The following LRRC4C variants were observed in gnomAD, a reference collection of about 807,000 sequenced individuals.
LRRC4C encodes leucine rich repeat containing 4C.
A neutral mutation model predicts 33.6 loss-of-function variants in LRRC4C; 5 were observed. The ratio of observed to expected loss-of-function variants is 0.15; its 90% CI spans 0.08 to 0.31. The LOEUF (loss-of-function observed/expected upper bound fraction) is 0.31. LRRC4C is among the 10% of genes least tolerant of loss of function. The pLI, the probability that LRRC4C is intolerant of heterozygous loss-of-function variation, is 1.00. For synonymous variants in LRRC4C, 329 were observed against 302.0 expected, an observed-to-expected ratio of 1.09 and a Z score of -0.93; for missense variants, 560 against 796.7, an observed-to-expected ratio of 0.70 and a Z score of 3.58.
In LRRC4C at chr11:40,792,253, T is replaced by TA. The variant is rs982770086; in HGVS notation, c.-407+141381dup. Among the ~76,000 whole-genome samples the TA allele has an allele frequency of 4.7e-3, 694 of 148,716 alleles. 7 individuals carry two copies. Among genetic ancestry groups the TA allele is most frequent in the African/African-American group, 0.015 (628 of 40,708 alleles). On this transcript the variant is annotated intron_variant, in intron 2 of 6. Coordinates refer to ENST00000528697, the MANE Select transcript of LRRC4C (RefSeq NM_001258419.2). ...AATCAATAATGACGCTTCCAAGGAG[T>TA]AAAAAAAAAATGAACAAAATCAATA...
At chr11:40,510,319 G>C (rs11828912) in intron 3 of LRRC4C, among the ~76,000 whole-genome samples, 16,733 of 151,428 alleles carry the variant, frequency 0.11, 1,002 homozygotes, top group Middle Eastern at 0.16. Flanking sequence ...TTAAACAGAA[G>C]TAATGTGTAT....
At chr11:40,540,324 G>A (rs1207596398) in intron 3 of LRRC4C, among the ~76,000 whole-genome samples, 1 of 152,080 alleles carries the variant, frequency 6.6e-6, no homozygotes, top group Admixed American at 6.6e-5. Flanking sequence ...AAATTGATCC[G>A]CTAAAGTTTG....
chr11:41,154,765 TTTAAA>T (rs1565432692), intron 1 of LRRC4C, among the ~76,000 whole-genome samples: 1 of 152,160 alleles, frequency 6.6e-6, no homozygotes, highest in Non-Finnish European at 1.5e-5. Flanking sequence ...CACGACATAC[TTTAAA>T]TTATTCATTG....
intron 1 of LRRC4C, among the ~76,000 whole-genome samples, chr11:41,384,510 C>T (rs1395308006): frequency 1.3e-5 from 2 of 151,426 alleles, no homozygotes; most frequent in African/African-American, 2.4e-5. Context: ...CAGTTAAAAA[C>T]ATGCCAACAA....
intron 2 of LRRC4C, among the ~76,000 whole-genome samples, chr11:40,832,824 A>G (rs1952480301): frequency 6.6e-6 from 1 of 152,184 alleles, no homozygotes. Context: ...GAAGTAAAAC[A>G]ATTTGGCACA....
chr11:40,335,352 T>C (rs2136964860), intron 3 of LRRC4C, among the ~76,000 whole-genome samples: 1 of 152,318 alleles, frequency 6.6e-6, no homozygotes, highest in Middle Eastern at 3.4e-3. Flanking sequence ...CTTCAGTCTA[T>C]AAATCCTACA....
At chr11:41,396,732 C>CA in intron 1 of LRRC4C, among the ~76,000 whole-genome samples, 1 of 152,066 alleles carries the variant, frequency 6.6e-6, no homozygotes, top group Non-Finnish European at 1.5e-5. Context: ...CCTAAAATGA[C>CA]AAACACCCTG....
chr11:40,650,438 C>T (rs1183156402), intron 2 of LRRC4C, among the ~76,000 whole-genome samples: 1 of 152,232 alleles, frequency 6.6e-6, no homozygotes, highest in East Asian at 1.9e-4. Context: ...TGACAGTAAC[C>T]AATCTTCTTT....
At chr11:40,870,940 C>T (rs928166051) in intron 2 of LRRC4C, among the ~76,000 whole-genome samples, 9 of 152,252 alleles carry the variant, frequency 5.9e-5, no homozygotes, top group Middle Eastern at 3.4e-3. Flanking sequence ...TTCTTTTTCT[C>T]AGCAAGGAAC....
rs569728093 is a variant in LRRC4C at position 40,875,775 on chromosome 11, C to T, written c.-407+57860G>A. 4.6e-5 allele frequency among the ~76,000 whole-genome samples: 7 copies of T among 152,156 alleles called. No individual in the cohort carries two copies. In the East Asian group the frequency reaches 9.7e-4, roughly 21 times the overall value. ...TGAACTCGGGCAGGTGGGACGGTTTCGGGATGACTCAAGAGCATTACATGT... is the reference window on the plus strand; with the variant it reads ...TGAACTCGGGCAGGTGGGACGGTTTTGGGATGACTCAAGAGCATTACATGT... On this transcript the variant is annotated intron_variant, in intron 2 of 6. Transcript: ENST00000528697.
intron 5 of LRRC4C, among the ~76,000 whole-genome samples, chr11:40,206,861 C>T (rs896035681): frequency 1.6e-4 from 24 of 152,102 alleles, no homozygotes; most frequent in African/African-American, 5.8e-4. Context: ...TTCATATACT[C>T]ATTAGATTTG....
intron 1 of LRRC4C, among the ~76,000 whole-genome samples, chr11:41,397,111 A>T (rs1271738008): frequency 6.6e-6 from 1 of 152,026 alleles, no homozygotes; most frequent in East Asian, 1.9e-4. Context: ...ACGCTGTCTC[A>T]TTCCAGAATC....
At chr11:40,662,764 T>C (rs1943511414) in intron 2 of LRRC4C, among the ~76,000 whole-genome samples, 1 of 152,226 alleles carries the variant, frequency 6.6e-6, no homozygotes, top group Admixed American at 6.5e-5. Context: ...GTGCAAGTTG[T>C]TTAACCACTA....
chr11:41,171,401 AC>A (rs1178678923), intron 1 of LRRC4C, among the ~76,000 whole-genome samples: 1 of 152,168 alleles, frequency 6.6e-6, no homozygotes, highest in Non-Finnish European at 1.5e-5. Context: ...GCACATATAC[AC>A]CATGGAATAC....
intron 1 of LRRC4C, among the ~76,000 whole-genome samples, chr11:41,443,250 G>A (rs1194337250): frequency 2.6e-5 from 4 of 152,110 alleles, no homozygotes; most frequent in South Asian, 2.1e-4. Context: ...GCTCACACCT[G>A]TAATCACAGC....
intron 4 of LRRC4C, among the ~76,000 whole-genome samples, chr11:40,270,054 T>C (rs551258297): frequency 4.5e-4 from 69 of 152,226 alleles, no homozygotes; most frequent in African/African-American, 1.5e-3. Context: ...CCCCTACGCC[T>C]CCCATACTGG....
intron 1 of LRRC4C, among the ~76,000 whole-genome samples, chr11:41,057,234 C>T (rs1273556619): frequency 6.6e-6 from 1 of 152,200 alleles, no homozygotes; most frequent in Admixed American, 6.5e-5. Flanking sequence ...GGGACAAAGC[C>T]TGGGTACTCT....
intron 2 of LRRC4C, among the ~76,000 whole-genome samples, chr11:40,764,714 C>G (rs1949370833): frequency 6.9e-6 from 1 of 143,970 alleles, no homozygotes; most frequent in Non-Finnish European, 1.5e-5. Flanking sequence ...ACACTACTCC[C>G]TACTCCAGGC....
chr11:40,445,235 G>C (rs890624668), intron 3 of LRRC4C: 4 of 152,210 alleles, frequency 2.6e-5, no homozygotes, highest in African/African-American at 9.6e-5. Context: ...AATTTTCGGA[G>C]AACAGTCAGG....
Sources: gnomAD v4.1 joint callset for allele counts (sites outside exome capture counted in the v4.1 genomes callset) on GRCh38, gnomAD v4.1.1 for gene constraint, MANE v1.5 for transcripts, NCBI Gene and HGNC (gene_info 2026-07-23, HGNC 2026-07-21) for gene names.